The following ZNF704 variants were observed in gnomAD, a reference collection of about 807,000 sequenced individuals.
The protein encoded by ZNF704 is zinc finger protein 704.
A neutral mutation model predicts 44.7 loss-of-function variants in ZNF704; 10 were observed. That is an observed-to-expected ratio of 0.22 (90% CI 0.14 to 0.38). The LOEUF is 0.38. Among genes scored for constraint, ZNF704 ranks in the 10% least tolerant of loss-of-function variants. The pLI is 1.00. For synonymous variants in ZNF704, 211 were observed against 207.6 expected (o/e 1.02, Z -0.14); for missense variants, 390 against 545.5 (o/e 0.71, Z 2.84).
intron 2 of ZNF704, among the ~76,000 whole-genome samples, chr8:80,715,215 G>A (rs1819054076): frequency 6.6e-6 from 1 of 152,204 alleles, no homozygotes; most frequent in African/African-American, 2.4e-5. Context: ...CACTATTAAT[G>A]TATAAGCCCA....
chr8:80,809,020 G>A (rs992715227), intron 2 of ZNF704, among the ~76,000 whole-genome samples: 2 of 152,128 alleles, frequency 1.3e-5, no homozygotes, highest in African/African-American at 2.4e-5. Context: ...AGCTGGGTGC[G>A]GTGCCTGACA....
intron 7 of ZNF704, among the ~76,000 whole-genome samples, chr8:80,651,867 C>T (rs1295549955): frequency 6.6e-6 from 1 of 152,124 alleles, no homozygotes; most frequent in Admixed American, 6.5e-5. Flanking sequence ...AATATACATT[C>T]TTCTCAGCAC....
chr8:80,731,433 C>A (rs1806580028), intron 2 of ZNF704, among the ~76,000 whole-genome samples: 1 of 152,048 alleles, frequency 6.6e-6, no homozygotes, highest in South Asian at 2.1e-4. Context: ...ACCTGGACTA[C>A]ATCATGATGT....
Position 80,777,971 on chromosome 8 carries a change from G to A in ZNF704, c.221+43403C>T, listed in dbSNP as rs111342362. Reference sequence around the variant, plus strand: ...ATATATCGCTCTTAAGAACAAGGGCGTTTTTTGTAACCACAACGCCATTAC... The same window carrying A: ...ATATATCGCTCTTAAGAACAAGGGCATTTTTTGTAACCACAACGCCATTAC... On this transcript the variant is annotated intron_variant, in intron 2 of 8. Coordinates refer to ENST00000327835, the MANE Select transcript of ZNF704 (RefSeq NM_001033723.3). 1.4e-3 allele frequency among the ~76,000 whole-genome samples: 211 copies of A among 151,626 alleles called. 1 individual carries two copies. Among genetic ancestry groups the A allele is most frequent in the African/African-American group, 4.7e-3 (194 of 41,332 alleles).
intron 2 of ZNF704, among the ~76,000 whole-genome samples, chr8:80,711,005 G>A (rs1223885973): frequency 3.3e-5 from 5 of 152,126 alleles, no homozygotes; most frequent in South Asian, 2.1e-4. Flanking sequence ...TAATTCTTCC[G>A]GGAGACAGGA....
At chr8:80,843,530 T>C (rs1260461606) in intron 1 of ZNF704, among the ~76,000 whole-genome samples, 1 of 152,244 alleles carries the variant, frequency 6.6e-6, no homozygotes, top group African/African-American at 2.4e-5. Context: ...GCAAATAAGT[T>C]GTTTACAGCC....
intron 1 of ZNF704, among the ~76,000 whole-genome samples, chr8:80,861,986 AT>A (rs1329240753): frequency 2.0e-5 from 3 of 149,002 alleles, no homozygotes; most frequent in African/African-American, 7.6e-5. Context: ...ATAGAAAAAA[AT>A]AACCTTTTTT....
intron 1 of ZNF704, among the ~76,000 whole-genome samples, chr8:80,837,603 A>G (rs561263969): frequency 6.6e-6 from 1 of 152,286 alleles, no homozygotes; most frequent in Admixed American, 6.5e-5. Context: ...CTTTCTATGG[A>G]TCACAGGAAA....
At chr8:80,763,663 G>A (rs1447691230) in intron 2 of ZNF704, among the ~76,000 whole-genome samples, 5 of 152,180 alleles carry the variant, frequency 3.3e-5, no homozygotes, top group African/African-American at 1.2e-4. Context: ...CCATTTCATG[G>A]CTATTAACAT....
chr8:80,875,242 C>T (rs1036679064), upstream of ZNF704, among the ~76,000 whole-genome samples: 2 of 151,898 alleles, frequency 1.3e-5, no homozygotes, highest in Non-Finnish European at 2.9e-5. Flanking sequence ...TTTGCTATTG[C>T]GTGGGGTTAG....
At chr8:80,876,750 T>C (rs1809361378), upstream of ZNF704, among the ~76,000 whole-genome samples, 1 of 152,188 alleles carries the variant, frequency 6.6e-6, no homozygotes, top group Admixed American at 6.5e-5. Flanking sequence ...AGCTAGGGTT[T>C]ATATGCGGGC....
chr8:80,664,195 C>T (rs1818148548), intron 6 of ZNF704, among the ~76,000 whole-genome samples: 1 of 151,446 alleles, frequency 6.6e-6, no homozygotes, highest in Non-Finnish European at 1.5e-5. Context: ...CTCTCGGGTT[C>T]AAGCAATTCT....
intron 2 of ZNF704, among the ~76,000 whole-genome samples, chr8:80,788,621 CT>C (rs1441302548): frequency 6.6e-6 from 1 of 152,128 alleles, no homozygotes; most frequent in Non-Finnish European, 1.5e-5. Context: ...CTGTTGGAAA[CT>C]GTAGAAAGGA....
At chr8:80,643,238 G>T in intron 7 of ZNF704, 109 bp from the exon 8 acceptor site, 1 of 661,944 alleles carries the variant, frequency 1.5e-6, no homozygotes. Context: ...GCAGAGATGA[G>T]GCCAGGCACG....
chr8:80,842,575 T>TA (rs1300791177), intron 1 of ZNF704, among the ~76,000 whole-genome samples: 3 of 152,126 alleles, frequency 2.0e-5, no homozygotes, highest in African/African-American at 7.2e-5. Flanking sequence ...GAGAGACAGG[T>TA]AAGGCCTCTG....
At chr8:80,767,012 G>C (rs1055494531) in intron 2 of ZNF704, among the ~76,000 whole-genome samples, 1 of 151,882 alleles carries the variant, frequency 6.6e-6, no homozygotes, top group Non-Finnish European at 1.5e-5. Flanking sequence ...TGAACCCGGC[G>C]CGTGACTCTT....
At position 80,874,709 on chromosome 8, in the gene ZNF704, T is replaced by G. The variant is rs752216032; in HGVS notation, c.-160A>C. The G allele has an allele frequency of 6.6e-6, 1 of 152,166 alleles. No individual in the cohort carries two copies. Among genetic ancestry groups the G allele is most frequent in the Non-Finnish European group, 1.5e-5 (1 of 68,042 alleles). The allele number at this position is 152,166 out of a possible 1,614,324, so 9.4% of individuals were successfully genotyped here. A position where few individuals can be genotyped will look rare whatever the true frequency, so the allele number is the denominator to read the frequency against. ...TAAGGTTGTCTGTCAAAGTTAGACT[T>G]TGAACGTAGAGATTTGCTACAAGTC... On this transcript the variant is annotated 5_prime_UTR_variant, in exon 1 of 9. Coordinates refer to ENST00000327835, the MANE Select transcript of ZNF704 (RefSeq NM_001033723.3). The surrounding 1 kb of genome is among the most constrained non-coding windows in gnomAD (Gnocchi z 4.4).
chr8:80,830,747 T>C (rs532162575), intron 1 of ZNF704, among the ~76,000 whole-genome samples: 18 of 139,922 alleles, frequency 1.3e-4, no homozygotes, highest in Non-Finnish European at 2.6e-4. Context: ...GAGGGTGTGT[T>C]TCTTTCTTTT....
rs77779134 is a variant in ZNF704 at position 80,767,136 on chromosome 8, C to T, written c.221+54238G>A. On this transcript the variant is annotated intron_variant, in intron 2 of 8. Coordinates refer to ENST00000327835, the MANE Select transcript of ZNF704 (RefSeq NM_001033723.3). ...CTACACCCATTCCAGTGAGTGCTAT[C>T]ATATATAACATTACGTTGAGGTCCC... Among the ~76,000 whole-genome samples, 661 of 152,140 alleles carry T rather than the reference C, an allele frequency of 4.3e-3. 4 individuals are homozygous for T. The highest frequency in any genetic ancestry group is 0.015 in the African/African-American group (607 of 41,526).
Sources: gnomAD v4.1 joint callset for allele counts (sites outside exome capture counted in the v4.1 genomes callset) on GRCh38, gnomAD v4.1.1 for gene constraint, Gnocchi (gnomAD v3.1) non-coding constraint, MANE v1.5 for transcripts, NCBI Gene and HGNC (gene_info 2026-07-23, HGNC 2026-07-21) for gene names.